The following NFATC1 variants were observed in gnomAD, a reference collection of about 807,000 sequenced individuals.
NFATC1 encodes nuclear factor of activated T cells 1.
In NFATC1, 22 loss-of-function variants were observed where a neutral mutation model predicts 76.0. That is an observed-to-expected ratio of 0.29 (90% CI 0.21 to 0.41). NFATC1 has a LOEUF of 0.41. Among genes scored for constraint, NFATC1 ranks in the 10% least tolerant of loss-of-function variants. The probability of loss-of-function intolerance (pLI) is 1.00; values close to 1 mark genes in which losing one functional copy is unlikely to be tolerated. For synonymous variants in NFATC1, 704 were observed against 613.1 expected, an observed-to-expected ratio of 1.15 and a Z score of -2.19; for missense variants, 1,357 against 1,337.7, an observed-to-expected ratio of 1.01 and a Z score of -0.23.
chr18:79,526,776 C>G (rs758949403), intron 9 of NFATC1, among the ~76,000 whole-genome samples: 2 of 152,234 alleles, frequency 1.3e-5, no homozygotes, highest in Non-Finnish European at 2.9e-5. Context: ...CTCCAGGAAG[C>G]CGCCCTGAGA....
intron 8 of NFATC1, chr18:79,469,547 C>T: frequency 4.1e-6 from 4 of 985,944 alleles, no homozygotes; most frequent in Non-Finnish European, 4.8e-6. Flanking sequence ...ACCAGCCACA[C>T]TCCTGCCTCG....
intron 2 of NFATC1, among the ~76,000 whole-genome samples, chr18:79,432,337 A>ACGGTCGGCGGGCCCTGGGTCTCTGCC (rs1257867855): frequency 7.9e-5 from 12 of 152,210 alleles, no homozygotes; most frequent in African/African-American, 2.2e-4. Flanking sequence ...TGTGGTGAGG[A>ACGGTCGGCGGGCCCTGGGTCTCTGCC]CAGTCGGCGG....
Position 79,520,773 on chromosome 18 carries a change from A to ATG in NFATC1, c.2783-6742_2783-6741dup, listed in dbSNP as rs1164833291. ...GTGTGTAGGAGGGGAGCATCCACTG[A>ATG]TGTGTGTGTGTGTGGGGGGGCATCC... On this transcript the variant is annotated intron_variant, in intron 9 of 9. Transcript: ENST00000427363. 4.1e-3 allele frequency among the ~76,000 whole-genome samples: 154 copies of ATG among 37,672 alleles called. 5 individuals are homozygous for ATG. The highest frequency in any genetic ancestry group is 5.6e-3 in the Non-Finnish European group (120 of 21,366). 24.7% of individuals were successfully genotyped at this position (37,672 alleles called of 152,430 possible). A position where few individuals can be genotyped will look rare whatever the true frequency, so the allele number is the denominator to read the frequency against.
At chr18:79,477,272 G>A (rs532962716) in intron 8 of NFATC1, among the ~76,000 whole-genome samples, 36 of 152,208 alleles carry the variant, frequency 2.4e-4, no homozygotes, top group Non-Finnish European at 4.4e-4. Context: ...TGTTTTCCAG[G>A]GGTTTAGACT....
At chr18:79,470,132 G>A (rs2088717067) in intron 8 of NFATC1, 7 of 373,746 alleles carry the variant, frequency 1.9e-5, no homozygotes, top group Non-Finnish European at 2.6e-5. Flanking sequence ...CTGTGCATCT[G>A]TGTCTTGGGG....
Position 79,501,228 on chromosome 18 carries a change from C to T in NFATC1, c.2782+14291C>T, listed in dbSNP as rs568735914. Among the ~76,000 whole-genome samples the T allele has an allele frequency of 1.1e-4, 17 of 152,274 alleles. No individual in the cohort carries two copies. In the South Asian group the frequency reaches 2.1e-3, roughly 19 times the overall value. On this transcript the variant is annotated intron_variant, in intron 9 of 9. Transcript: ENST00000427363. ...ATTAATAGAAAAAGGACAGAAACCA[C>T]GTGATCATTTCAATAAATGCAAGAA...
chr18:79,424,100 G>A (rs534297940), intron 2 of NFATC1, among the ~76,000 whole-genome samples: 5 of 152,374 alleles, frequency 3.3e-5, no homozygotes, highest in Middle Eastern at 3.4e-3. Context: ...CACGTGGTCT[G>A]TGGGGTCATC....
At chr18:79,406,782 G>A (rs1387859942) in intron 1 of NFATC1, among the ~76,000 whole-genome samples, 5 of 151,962 alleles carry the variant, frequency 3.3e-5, no homozygotes, top group Admixed American at 2.0e-4. Context: ...GTCCCCCACC[G>A]CGCCTTCCTT....
chr18:79,512,828 C>T (rs1030252193), intron 9 of NFATC1, among the ~76,000 whole-genome samples: 4 of 152,252 alleles, frequency 2.6e-5, no homozygotes, highest in Admixed American at 2.0e-4. Context: ...GCCTTCTCCA[C>T]GTGCTGCGGG....
chr18:79,479,479 A>G (rs2089199849), intron 8 of NFATC1, among the ~76,000 whole-genome samples: 1 of 152,252 alleles, frequency 6.6e-6, no homozygotes, highest in African/African-American at 2.4e-5. Context: ...GCAGGCATCC[A>G]TCTTCTCTGA....
chr18:79,408,818 C>G (rs2085530660), intron 1 of NFATC1, among the ~76,000 whole-genome samples: 1 of 152,042 alleles, frequency 6.6e-6, no homozygotes, highest in South Asian at 2.1e-4. Flanking sequence ...CCTATCCATT[C>G]ATTCATCATC....
At chr18:79,527,457 C>T in intron 9 of NFATC1, 71 bp from the exon 10 acceptor site, 2 of 1,278,600 alleles carry the variant, frequency 1.6e-6, no homozygotes, top group Non-Finnish European at 1.1e-6. Context: ...GATGGAGAAG[C>T]AGGGCTGGGG....
At chr18:79,415,828 G>A (rs1441708275) in intron 2 of NFATC1, among the ~76,000 whole-genome samples, 2 of 152,054 alleles carry the variant, frequency 1.3e-5, no homozygotes, top group Admixed American at 6.5e-5. Context: ...TTGGGAGGCC[G>A]AGGCAGGTGG....
chr18:79,412,713 G>C (rs1242971917), intron 2 of NFATC1, among the ~76,000 whole-genome samples: 1 of 152,198 alleles, frequency 6.6e-6, no homozygotes, highest in Non-Finnish European at 1.5e-5. Context: ...CTGAAGGCTT[G>C]TGGCAAAGAA....
chr18:79,422,662 A>G (rs932237239), intron 2 of NFATC1: 5 of 152,214 alleles, frequency 3.3e-5, no homozygotes, highest in Non-Finnish European at 5.9e-5. Context: ...CCCACTGCCC[A>G]GGGGCACTGA....
At chr18:79,400,268 C>CGGGGCGGGGACGGGGGGA (rs1352028857) in intron 1 of NFATC1, 2 of 968,806 alleles carry the variant, frequency 2.1e-6, no homozygotes, top group Admixed American at 6.9e-5. Flanking sequence ...GGGGCGGGGG[C>CGGGGCGGGGACGGGGGGA]GGGGCGGGGA....
intron 8 of NFATC1, among the ~76,000 whole-genome samples, chr18:79,473,024 G>T (rs1232131351): frequency 6.6e-6 from 1 of 152,254 alleles, no homozygotes; most frequent in Non-Finnish European, 1.5e-5. Flanking sequence ...TCTGCAGCTT[G>T]TGGGGGTCAA....
At chr18:79,400,778 C>T (rs1379982748) in intron 1 of NFATC1, among the ~76,000 whole-genome samples, 1 of 135,958 alleles carries the variant, frequency 7.4e-6, no homozygotes, top group Non-Finnish European at 1.6e-5. Context: ...CCAGCTCCCC[C>T]AGACACCCTC....
chr18:79,475,592 G>A (rs1340531102), intron 8 of NFATC1, among the ~76,000 whole-genome samples: 1 of 151,442 alleles, frequency 6.6e-6, no homozygotes, highest in African/African-American at 2.4e-5. Flanking sequence ...AGGGAAGCGT[G>A]TTCTCATGCT....
Sources: gnomAD v4.1 joint callset for allele counts (sites outside exome capture counted in the v4.1 genomes callset) on GRCh38, gnomAD v4.1.1 for gene constraint, MANE v1.5 for transcripts, NCBI Gene and HGNC (gene_info 2026-07-23, HGNC 2026-07-21) for gene names.